Variants in ESRRG observed in about 807,000 individuals in gnomAD.
ESRRG encodes estrogen-related receptor gamma.
In ESRRG, 13 loss-of-function variants were observed where a neutral mutation model predicts 44.0. The ratio of observed to expected loss-of-function variants is 0.30; its 90% CI spans 0.19 to 0.47. The LOEUF (loss-of-function observed/expected upper bound fraction) is 0.47, where lower values mean the gene tolerates loss of function less well. Among genes scored for constraint, ESRRG ranks in the 20% least tolerant of loss-of-function variants. The pLI, the probability that ESRRG is intolerant of heterozygous loss-of-function variation, is 1.00. For synonymous variants in ESRRG, 215 were observed against 214.6 expected (o/e 1.00, Z -0.02); for missense variants, 395 against 580.6 (o/e 0.68, Z 3.29).
intron 1 of ESRRG, among the ~76,000 whole-genome samples, chr1:217,085,087 T>G (rs2091996404): frequency 8.1e-6 from 1 of 123,232 alleles, no homozygotes. Flanking sequence ...GAGTGGCCTT[T>G]CACAATGGGT....
chr1:217,044,735 A>T (rs1014434459), intron 1 of ESRRG, among the ~76,000 whole-genome samples: 1 of 152,228 alleles, frequency 6.6e-6, no homozygotes, highest in Non-Finnish European at 1.5e-5. Flanking sequence ...CTTCCTGCCG[A>T]AAGCTTCAGC....
chr1:216,586,083 A>T (rs1402459529), intron 3 of ESRRG, among the ~76,000 whole-genome samples: 1 of 152,254 alleles, frequency 6.6e-6, no homozygotes, highest in East Asian at 1.9e-4. Flanking sequence ...TAAAAGTCTT[A>T]GTAAAAACAA....
chr1:216,804,378 C>T (rs1418763667), intron 2 of ESRRG, among the ~76,000 whole-genome samples: 1 of 152,128 alleles, frequency 6.6e-6, no homozygotes, highest in African/African-American at 2.4e-5. Flanking sequence ...AGGATGCCGG[C>T]TAGAATCCTA....
chr1:216,659,377 T>C (rs1025940602), intron 2 of ESRRG, among the ~76,000 whole-genome samples: 5 of 152,216 alleles, frequency 3.3e-5, no homozygotes, highest in African/African-American at 9.6e-5. Context: ...AGATAGTTGT[T>C]CTTAAAAGTA....
At chr1:216,581,356 A>G (rs1268472722) in intron 3 of ESRRG, among the ~76,000 whole-genome samples, 1 of 152,216 alleles carries the variant, frequency 6.6e-6, no homozygotes, top group East Asian at 1.9e-4. Context: ...GCATACTTGT[A>G]CATATATCCA....
intron 2 of ESRRG, among the ~76,000 whole-genome samples, chr1:216,765,923 G>A (rs147060087): frequency 6.6e-6 from 1 of 152,180 alleles, no homozygotes; most frequent in African/African-American, 2.4e-5. Flanking sequence ...ACGGATCCCT[G>A]GTTCTTTTTC....
At chr1:216,920,385 T>A (rs896291998) in intron 2 of ESRRG, among the ~76,000 whole-genome samples, 4 of 58,660 alleles carry the variant, frequency 6.8e-5, no homozygotes, top group African/African-American at 2.2e-4. Flanking sequence ...TGTATGGGAG[T>A]GTGTGTGTGT....
At chr1:216,893,969 G>A (rs2058118415) in intron 2 of ESRRG, among the ~76,000 whole-genome samples, 1 of 152,108 alleles carries the variant, frequency 6.6e-6, no homozygotes. Context: ...ATATGATTTG[G>A]AATTGAGTCA....
intron 2 of ESRRG, among the ~76,000 whole-genome samples, chr1:216,858,254 G>C (rs992502465): frequency 6.6e-6 from 1 of 151,624 alleles, no homozygotes; most frequent in South Asian, 2.1e-4. Context: ...TGGCTAACAC[G>C]GTGAAACCCT....
intron 1 of ESRRG, among the ~76,000 whole-genome samples, chr1:217,071,264 C>A (rs1217612262): frequency 6.6e-6 from 1 of 151,960 alleles, no homozygotes; most frequent in African/African-American, 2.4e-5. Flanking sequence ...AAACAAAAAA[C>A]AAACAAACAA....
intron 1 of ESRRG, among the ~76,000 whole-genome samples, chr1:217,005,494 A>G (rs2077613948): frequency 6.6e-6 from 1 of 152,176 alleles, no homozygotes; most frequent in South Asian, 2.1e-4. Flanking sequence ...CTAAAAGAAC[A>G]GGGAACTCTT....
At chr1:216,554,577 A>T (rs1482950821) in intron 5 of ESRRG, among the ~76,000 whole-genome samples, 4 of 152,128 alleles carry the variant, frequency 2.6e-5, no homozygotes, top group African/African-American at 4.8e-5. Context: ...TCCAGGTTGC[A>T]CTGAGCTATG....
At chr1:216,584,602 A>G (rs1573547393) in intron 3 of ESRRG, among the ~76,000 whole-genome samples, 1 of 152,008 alleles carries the variant, frequency 6.6e-6, no homozygotes, top group Admixed American at 6.6e-5. Context: ...ACATCTGTAA[A>G]CTCTTCTGAG....
intron 3 of ESRRG, among the ~76,000 whole-genome samples, chr1:216,579,106 C>T (rs555338560): frequency 1.3e-5 from 2 of 152,066 alleles, no homozygotes; most frequent in African/African-American, 2.4e-5. Context: ...CATCTAGCAT[C>T]TTTTGATCTC....
chr1:216,863,253 T>C (rs1406999167), intron 2 of ESRRG: 2 of 152,026 alleles, frequency 1.3e-5, no homozygotes, highest in East Asian at 3.9e-4. Flanking sequence ...TTAGAATCAC[T>C]GATATATATG....
At chr1:216,971,070 A>C (rs1484121645) in intron 1 of ESRRG, among the ~76,000 whole-genome samples, 1 of 152,186 alleles carries the variant, frequency 6.6e-6, no homozygotes, top group Admixed American at 6.5e-5. Flanking sequence ...TATAGCAGTG[A>C]CCCTGGAAAC....
At chr1:216,641,272 T>G (rs772313597) in intron 3 of ESRRG, among the ~76,000 whole-genome samples, 8 of 152,220 alleles carry the variant, frequency 5.3e-5, no homozygotes, top group Non-Finnish European at 8.8e-5. Context: ...AGATTCTATC[T>G]ACTTCATTTC....
intron 2 of ESRRG, among the ~76,000 whole-genome samples, chr1:216,891,175 T>C (rs2057743825): frequency 6.6e-6 from 1 of 152,210 alleles, no homozygotes; most frequent in Admixed American, 6.5e-5. Context: ...GCCGACAGAT[T>C]ATAACATTAT....
chr1:216,925,107 T>A (rs917437312), intron 2 of ESRRG, among the ~76,000 whole-genome samples: 6 of 152,122 alleles, frequency 3.9e-5, no homozygotes, highest in African/African-American at 1.4e-4. Context: ...TTTGGGGACT[T>A]AAACAGGATG....
Sources: allele counts gnomAD v4.1 joint callset (sites outside exome capture counted in the v4.1 genomes callset), GRCh38; gene constraint gnomAD v4.1.1; transcripts MANE v1.5; gene names NCBI Gene and HGNC (gene_info 2026-07-23, HGNC 2026-07-21).